TMPRSS11D: variants seen among roughly 807,000 people sequenced by gnomAD.
TMPRSS11D encodes the protein transmembrane serine protease 11D.
Under a neutral mutation model 44.4 loss-of-function variants are expected in TMPRSS11D, and 32 were observed. The observed-to-expected ratio is 0.72, with a 90% CI of 0.54 to 0.97. The LOEUF is 0.97. Among genes scored for constraint, TMPRSS11D ranks in the 50% least tolerant of loss-of-function variants. The pLI, the probability that TMPRSS11D is intolerant of heterozygous loss-of-function variation, is 0.00. For missense variants in TMPRSS11D, 446 were observed against 502.6 expected, an observed-to-expected ratio of 0.89 and a Z score of 1.08; for synonymous variants, 179 against 177.9, an observed-to-expected ratio of 1.01 and a Z score of -0.05.
rs80128658 is a variant in TMPRSS11D at position 67,877,333 on chromosome 4, G to A, written c.8+6593C>T. Among the ~76,000 whole-genome samples the A allele has an allele frequency of 8.9e-3, 1,351 of 152,166 alleles. 19 individuals are homozygous for A. The highest frequency in any genetic ancestry group is 0.03 in the African/African-American group (1,263 of 41,508). ...TTTGTGTGCGTAAGAATTACTTGAAGACTTGGAAAAGTGCAAATTCCTGTA... is the reference window on the plus strand; with the variant it reads ...TTTGTGTGCGTAAGAATTACTTGAAAACTTGGAAAAGTGCAAATTCCTGTA... On this transcript the variant is annotated intron_variant, in intron 1 of 9. Coordinates refer to ENST00000283916, the MANE Select transcript of TMPRSS11D (RefSeq NM_004262.3).
chr4:67,859,266 TGA>T (rs1029095828), intron 2 of TMPRSS11D, among the ~76,000 whole-genome samples: 74 of 152,226 alleles, frequency 4.9e-4, no homozygotes, highest in African/African-American at 1.6e-3. Flanking sequence ...AGAAAATTAT[TGA>T]GAGTTTTTTT....
intron 2 of TMPRSS11D, 82 bp downstream of exon 2, chr4:67,859,475 G>A (rs1577824051): frequency 3.4e-6 from 5 of 1,476,068 alleles, no homozygotes; most frequent in Non-Finnish European, 4.6e-6. Flanking sequence ...AAAAGCCATA[G>A]TAAAAGAAAG....
At chr4:67,855,234 G>A (rs1366992273) in intron 2 of TMPRSS11D, among the ~76,000 whole-genome samples, 2 of 127,680 alleles carry the variant, frequency 1.6e-5, no homozygotes, top group Non-Finnish European at 3.3e-5. Flanking sequence ...CAGCCTGGGT[G>A]ACAGAGCAAG....
intron 1 of TMPRSS11D, among the ~76,000 whole-genome samples, chr4:67,876,779 A>G (rs1719201107): frequency 6.6e-6 from 1 of 152,130 alleles, no homozygotes; most frequent in South Asian, 2.1e-4. Context: ...TGTTGGAAAA[A>G]CTAATAGCTA....
chr4:67,873,290 CTG>C (rs1278624311), intron 1 of TMPRSS11D, among the ~76,000 whole-genome samples: 2 of 152,168 alleles, frequency 1.3e-5, no homozygotes, highest in Non-Finnish European at 2.9e-5. Flanking sequence ...ATGTGCTGCT[CTG>C]TGAGTTCTAA....
intron 1 of TMPRSS11D, 25 bp from the exon 2 acceptor site, chr4:67,859,703 A>C (rs1718749955): frequency 6.2e-7 from 1 of 1,610,220 alleles, no homozygotes; most frequent in Non-Finnish European, 8.5e-7. Context: ...AGATCAAAGA[A>C]AGTCATTCAT....
intron 1 of TMPRSS11D, among the ~76,000 whole-genome samples, chr4:67,878,218 C>T (rs567575652): frequency 4.6e-5 from 7 of 152,162 alleles, no homozygotes; most frequent in African/African-American, 1.7e-4. Flanking sequence ...AGCTTCTAGA[C>T]TGGTTTAGTT....
intron 2 of TMPRSS11D, among the ~76,000 whole-genome samples, chr4:67,856,174 C>T (rs368812799): frequency 1.3e-5 from 2 of 152,100 alleles, no homozygotes; most frequent in Admixed American, 1.3e-4. Flanking sequence ...CCCAAATAGT[C>T]GAATCACACC....
At chr4:67,842,284 G>T (rs577359456) in intron 4 of TMPRSS11D, among the ~76,000 whole-genome samples, 1 of 152,072 alleles carries the variant, frequency 6.6e-6, no homozygotes, top group African/African-American at 2.4e-5. Context: ...TTTACAATAG[G>T]ATGGCCTTGT....
At chr4:67,860,391 T>C (rs1312212322) in intron 1 of TMPRSS11D, 2 of 152,142 alleles carry the variant, frequency 1.3e-5, no homozygotes, top group Admixed American at 6.6e-5. Context: ...TTTTACCCTT[T>C]GTTTGCTTGG....
At chr4:67,866,787 G>T (rs897777911) in intron 1 of TMPRSS11D, among the ~76,000 whole-genome samples, 2 of 151,702 alleles carry the variant, frequency 1.3e-5, no homozygotes, top group Non-Finnish European at 2.9e-5. Flanking sequence ...GGAAGTAAAA[G>T]ATCTCTACAA....
chr4:67,825,017 A>G (rs1717757119), intron 9 of TMPRSS11D, among the ~76,000 whole-genome samples: 1 of 152,092 alleles, frequency 6.6e-6, no homozygotes, highest in Non-Finnish European at 1.5e-5. Flanking sequence ...TGAGAATTTC[A>G]TATTTGTTGT....
At position 67,838,270 on chromosome 4, in the gene TMPRSS11D, T is replaced by A. The variant is rs1718149158; in HGVS notation, c.377A>T (p.Asn126Ile). 1.2e-6 allele frequency: 2 copies of A among 1,601,506 alleles called. No homozygotes were observed. Among genetic ancestry groups the A allele is most frequent in the African/African-American group, 2.7e-5 (2 of 74,360 alleles). ...TCTGCTTTTCATTGATGCTCCATTG[T>A]TATTTCTAGTGAATTGAAATTTCAT... is the stretch of plus-strand genomic sequence containing the variant. ...VVMKFQFTRN[N>I]NGASMKSRIE... Residue 126 changes from asparagine to isoleucine, a missense_variant, in exon 5 of 10, where the codon AAC becomes ATC. Physicochemically the swap from Asn to Ile is moderately radical, Grantham distance 149. Transcript: ENST00000283916.
intron 2 of TMPRSS11D, among the ~76,000 whole-genome samples, chr4:67,856,494 A>AGACTTAAAT (rs1310022052): frequency 6.6e-6 from 1 of 152,198 alleles, no homozygotes; most frequent in Non-Finnish European, 1.5e-5. Flanking sequence ...GATGTATTAA[A>AGACTTAAAT]GACTTAAATG....
At chr4:67,855,579 G>A (rs1718617518) in intron 2 of TMPRSS11D, among the ~76,000 whole-genome samples, 1 of 152,106 alleles carries the variant, frequency 6.6e-6, no homozygotes, top group South Asian at 2.1e-4. Context: ...CCAACCCACA[G>A]CTAACATTTT....
intron 2 of TMPRSS11D, among the ~76,000 whole-genome samples, chr4:67,858,563 C>A (rs1048696154): frequency 2.0e-5 from 3 of 151,942 alleles, no homozygotes; most frequent in African/African-American, 7.3e-5. Context: ...TTTATTGCAC[C>A]ATTGGAAGTA....
Position 67,827,590 on chromosome 4 carries a change from T to C in TMPRSS11D, c.693-70A>G, listed in dbSNP as rs994265210. Reference sequence around the variant, plus strand: ...ACATTTCAGATATATAAATTCATCTTAGCCATCCTGTACCACTATCTAGAA... The same window carrying C: ...ACATTTCAGATATATAAATTCATCTCAGCCATCCTGTACCACTATCTAGAA... On this transcript the variant is annotated intron_variant, in intron 7 of 9. Coordinates refer to ENST00000283916, the MANE Select transcript of TMPRSS11D (RefSeq NM_004262.3). 1.4e-5 allele frequency: 21 copies of C among 1,474,302 alleles called. No homozygotes were observed. In the African/African-American group the frequency reaches 2.6e-4, roughly 18 times the overall value. The allele number at this position is 1,474,302 out of a possible 1,614,324, so 91.3% of individuals were successfully genotyped here.
At chr4:67,835,946 A>G (rs934236791) in intron 5 of TMPRSS11D, among the ~76,000 whole-genome samples, 11 of 152,136 alleles carry the variant, frequency 7.2e-5, no homozygotes, top group African/African-American at 1.7e-4. Flanking sequence ...GTCTATTTCA[A>G]TTTAAGAACA....
chr4:67,848,239 A>G (rs1387848392), intron 3 of TMPRSS11D, among the ~76,000 whole-genome samples: 1 of 152,210 alleles, frequency 6.6e-6, no homozygotes, highest in Non-Finnish European at 1.5e-5. Flanking sequence ...GACTCAGTTT[A>G]TCCCAGGTAT....
Sources: gnomAD v4.1 joint callset for allele counts (sites outside exome capture counted in the v4.1 genomes callset) on GRCh38, gnomAD v4.1.1 for gene constraint, MANE v1.5 for transcripts, NCBI Gene and HGNC (gene_info 2026-07-23, HGNC 2026-07-21) for gene names.